CHD7: variants seen among roughly 807,000 people sequenced by gnomAD.
CHD7 encodes chromodomain helicase DNA binding protein 7.
CHD7 carries 24 observed loss-of-function variants against 307.3 expected under a neutral mutation model. The observed-to-expected ratio is 0.08, with a 90% confidence interval of 0.06 to 0.11. The LOEUF (loss-of-function observed/expected upper bound fraction) is 0.11, where lower values mean the gene tolerates loss of function less well. CHD7 is among the 10% of genes least tolerant of loss of function. The pLI, the probability that CHD7 is intolerant of heterozygous loss-of-function variation, is 1.00. For synonymous variants in CHD7, 1,363 were observed against 1,349.9 expected, an observed-to-expected ratio of 1.01 and a Z score of -0.21; for missense variants, 3,106 against 3,727.1, an observed-to-expected ratio of 0.83 and a Z score of 4.34.
intron 1 of CHD7, among the ~76,000 whole-genome samples, chr8:60,690,959 C>T (rs1409702644): frequency 1.3e-5 from 2 of 152,202 alleles, no homozygotes; most frequent in Non-Finnish European, 2.9e-5. Flanking sequence ...GAGTCCTGCT[C>T]TGTCTCACAG....
Position 60,856,572 on chromosome 8 carries a change from A to C in CHD7, c.7292A>C (p.Gln2431Pro). The C allele has an allele frequency of 6.2e-7, 1 of 1,614,052 alleles. No individual in the cohort carries two copies. The highest frequency in any genetic ancestry group is 8.5e-7 in the Non-Finnish European group (1 of 1,179,898). ...MEMVAQLRES[Q>P]VVSENGQEKV... ...ATGGTTGCCCAGCTTCGAGAGTCTC[A>C]GGTGGTCTCAGAAAATGGACAAGAA... The change falls in exon 34 of 38, where the codon CAG (glutamine) becomes CCG (proline). Residue 2431 changes from glutamine (Q) to proline (P), a missense_variant. Around this residue, in one of 10 missense-constraint regions of CHD7, gnomAD observed 1,030 missense variants for 1,165.4 expected, o/e 0.88. Transcript: ENST00000423902.
chr8:60,829,307 A>C (rs1342453587), intron 14 of CHD7, among the ~76,000 whole-genome samples: 4 of 152,222 alleles, frequency 2.6e-5, no homozygotes, highest in Admixed American at 6.5e-5. Flanking sequence ...ATTGTGTATA[A>C]AAAGTGCTTG....
At chr8:60,772,683 TGTA>T (rs749849842) in intron 2 of CHD7, among the ~76,000 whole-genome samples, 4 of 152,216 alleles carry the variant, frequency 2.6e-5, no homozygotes, top group Admixed American at 6.5e-5. Flanking sequence ...TTCTCATTCC[TGTA>T]TAGTTACTAA....
intron 1 of CHD7, among the ~76,000 whole-genome samples, chr8:60,735,367 G>A (rs984061844): frequency 1.3e-5 from 2 of 152,126 alleles, no homozygotes; most frequent in African/African-American, 2.4e-5. Flanking sequence ...TCAGCAAAAT[G>A]GGAGGTAACC....
intron 7 of CHD7, among the ~76,000 whole-genome samples, chr8:60,810,434 TG>T (rs1812745905): frequency 6.6e-6 from 1 of 151,842 alleles, no homozygotes; most frequent in African/African-American, 2.4e-5. Flanking sequence ...CACACTTATC[TG>T]TTTATTATAT....
rs557957790 is a variant in CHD7 at position 60,802,339 on chromosome 8, A to G, written c.2442+746A>G. On this transcript the variant is annotated intron_variant, in intron 6 of 37. Transcript: ENST00000423902. ...TGAGAAAATGCTTTGCTTAGTTTGA[A>G]TAATTACATAAACCTGCAGGTGCAT... Among the ~76,000 whole-genome samples, 5 of 152,366 alleles carry G rather than the reference A, an allele frequency of 3.3e-5. No individual in the cohort carries two copies. The South Asian group carries it at 8.3e-4, about 25-fold the overall frequency.
In CHD7 at chr8:60,852,033, A is replaced by G. The variant is rs772816963; in HGVS notation, c.5680A>G (p.Ser1894Gly). The part of the protein sequence containing the change: ...EIHATGKHSE[S>G]NAELGQLYWP... ...CACTTCCCCAGGCAAGCACAGTGAGAGTAATGCTGAGTTAGGCCAACTTTA... is the reference window on the plus strand; with the variant it reads ...CACTTCCCCAGGCAAGCACAGTGAGGGTAATGCTGAGTTAGGCCAACTTTA... The change falls in exon 29 of 38, where the codon AGT (serine) becomes GGT (glycine). Residue 1894 changes from serine to glycine, a missense_variant. By Grantham distance (56) the Ser-to-Gly change is moderately conservative. This residue lies in a region of CHD7 where 1,030 missense variants were observed against 1,165.4 expected (regional missense o/e 0.88). Transcript: ENST00000423902. 1 of 1,612,718 alleles carries G rather than the reference A, an allele frequency of 6.2e-7. No individual in the cohort carries two copies. The highest frequency in any genetic ancestry group is 1.1e-5 in the South Asian group (1 of 90,922).
At chr8:60,811,930 C>A (rs1265821541) in intron 7 of CHD7, among the ~76,000 whole-genome samples, 3 of 152,156 alleles carry the variant, frequency 2.0e-5, no homozygotes, top group Non-Finnish European at 4.4e-5. Flanking sequence ...AATAAGAACA[C>A]CTTTTCATAA....
At position 60,816,413 on chromosome 8, in the gene CHD7, C is replaced by T. The variant is rs1317586038; in HGVS notation, c.2525C>T (p.Ser842Phe). The T allele has an allele frequency of 6.2e-7, 1 of 1,601,166 alleles. No homozygotes were observed. The change falls in exon 8 of 38, where the codon TCT becomes TTT. Residue 842 changes from serine to phenylalanine, a missense_variant. Physicochemically the swap from Ser to Phe is radical, Grantham distance 155 (BLOSUM62 -2). Coordinates refer to ENST00000423902, the MANE Select transcript of CHD7 (RefSeq NM_017780.4). ...NFSYLHCQWA[S>F]IEDLEKDKRI... ...TCTTATCTTCATTGTCAGTGGGCAT[C>T]TATAGAAGATCTGGAAAAAGATAAG...
chr8:60,787,265 C>T (rs1372287043), intron 3 of CHD7, among the ~76,000 whole-genome samples: 2 of 152,114 alleles, frequency 1.3e-5, no homozygotes, highest in East Asian at 1.9e-4. Flanking sequence ...CAGCATGGCT[C>T]ATTTGTTGTG....
At chr8:60,828,584 G>A in intron 13 of CHD7, 79 bp from the exon 14 acceptor site, 1 of 1,326,352 alleles carries the variant, frequency 7.5e-7, no homozygotes, top group Non-Finnish European at 1.0e-6. Context: ...TAGAACAATG[G>A]GTGTCTAGTG....
At chr8:60,810,822 TCC>T (rs1328010499) in intron 7 of CHD7, among the ~76,000 whole-genome samples, 4 of 152,140 alleles carry the variant, frequency 2.6e-5, no homozygotes, top group African/African-American at 9.7e-5. Context: ...GGGTCCCCAG[TCC>T]CCAGGCCATG....
chr8:60,712,846 T>G (rs896242195), intron 1 of CHD7, among the ~76,000 whole-genome samples: 10 of 151,954 alleles, frequency 6.6e-5, no homozygotes, highest in African/African-American at 2.4e-4. Flanking sequence ...GGTCAGGAGT[T>G]CGAGACCAGC....
At chr8:60,842,960 G>A (rs529866399) in intron 21 of CHD7, among the ~76,000 whole-genome samples, 1 of 152,178 alleles carries the variant, frequency 6.6e-6, no homozygotes, top group African/African-American at 2.4e-5. Flanking sequence ...ACTGCCTAGA[G>A]GACCCCCCAC....
At position 60,816,409 on chromosome 8, in the gene CHD7, G is replaced by T; in HGVS notation, c.2521G>T (p.Ala841Ser). 6.3e-7 allele frequency: 1 copy of T among 1,593,268 alleles called. No homozygotes were observed. Among genetic ancestry groups the T allele is most frequent in the South Asian group, 1.1e-5 (1 of 88,764 alleles). Residue 841 changes from alanine to serine, a missense_variant, in exon 8 of 38, where the codon GCA (alanine) becomes TCA (serine). Physicochemically the swap from Ala to Ser is moderately conservative, Grantham distance 99. Coordinates refer to ENST00000423902, the MANE Select transcript of CHD7 (RefSeq NM_017780.4). ...CAGCTCTTATCTTCATTGTCAGTGG[G>T]CATCTATAGAAGATCTGGAAAAAGA... is the stretch of plus-strand genomic sequence containing the variant. ...KNFSYLHCQW[A>S]SIEDLEKDKR...
rs1805452378 is a variant in CHD7 at position 60,851,430 on chromosome 8, C to T, written c.5665+111C>T. The stretch of plus-strand genomic sequence containing the variant: ...ACAGCAGTGTCTTAACACCTTATTT[C>T]TTCTACACTGACCTGTTTTGTGAAT... On this transcript the variant is annotated intron_variant, in intron 28 of 37. Transcript: ENST00000423902. The T allele has an allele frequency of 9.3e-6, 7 of 756,566 alleles. No individual in the cohort carries two copies. In the East Asian group the frequency reaches 1.1e-4, roughly 12 times the overall value. The allele number at this position is 756,566 out of a possible 1,614,324, so 46.9% of individuals were successfully genotyped here. A position where few individuals can be genotyped will look rare whatever the true frequency, so the allele number is the denominator to read the frequency against.
Position 60,766,289 on chromosome 8 carries a change from GA to G in CHD7, c.1666-14708del, listed in dbSNP as rs563870707. ...AGGAATTGATGTGGCTGAAGTGAGAGAAAGGGGGGGAATTATAGAAGTGTTA... is the reference window on the plus strand; with the variant it reads ...AGGAATTGATGTGGCTGAAGTGAGAGAAGGGGGGGAATTATAGAAGTGTTA... On this transcript the variant is annotated intron_variant, in intron 2 of 37. Transcript: ENST00000423902. Among the ~76,000 whole-genome samples the G allele has an allele frequency of 1.8e-4, 28 of 152,332 alleles. No homozygotes were observed. The East Asian group carries it at 5.2e-3, about 28-fold the overall frequency.
intron 2 of CHD7, among the ~76,000 whole-genome samples, chr8:60,775,294 ATTATC>A (rs1187380938): frequency 6.6e-6 from 1 of 152,222 alleles, no homozygotes; most frequent in Non-Finnish European, 1.5e-5. Flanking sequence ...TTACTTTGTA[ATTATC>A]TTGACATATA....
intron 1 of CHD7, among the ~76,000 whole-genome samples, chr8:60,708,334 C>T (rs1045533478): frequency 3.3e-5 from 5 of 152,176 alleles, no homozygotes; most frequent in African/African-American, 9.7e-5. Flanking sequence ...TTGCAATCCT[C>T]TGTATCCAGA....
Sources: allele counts gnomAD v4.1 joint callset (sites outside exome capture counted in the v4.1 genomes callset), GRCh38; gene constraint gnomAD v4.1.1; regional missense constraint gnomAD v4.1.1; transcripts MANE v1.5; gene names NCBI Gene and HGNC (gene_info 2026-07-23, HGNC 2026-07-21).